The following RPL3 variants were observed in gnomAD, a reference collection of about 807,000 sequenced individuals.
RPL3 encodes the protein ribosomal protein L3, also known as large ribosomal subunit protein uL3.
A neutral mutation model predicts 46.0 loss-of-function variants in RPL3; 3 were observed. That is an observed-to-expected ratio of 0.07 (90% CI 0.03 to 0.17). RPL3 has a LOEUF of 0.17. Ranked by LOEUF, RPL3 falls within the 10% of genes least tolerant of loss-of-function variation. The pLI is 1.00. For missense variants in RPL3, 387 were observed against 532.7 expected, an observed-to-expected ratio of 0.73 and a Z score of 2.69; for synonymous variants, 224 against 190.8, an observed-to-expected ratio of 1.17 and a Z score of -1.43.
intron 6 of RPL3, 28 bp from the exon 7 acceptor site, chr22:39,314,236 G>A: frequency 6.3e-7 from 1 of 1,590,610 alleles, no homozygotes; most frequent in Non-Finnish European, 8.6e-7. Flanking sequence ...GTGTAAGGCT[G>A]GGGCATTAGG....
chr22:39,316,772 C>T lies in RPL3; in HGVS notation c.435G>A (p.Gln145=). 1 of 1,613,906 alleles carries T rather than the reference C, an allele frequency of 6.2e-7. No homozygotes were observed. The highest frequency in any genetic ancestry group is 8.5e-7 in the Non-Finnish European group (1 of 1,179,930). The change falls in exon 4 of 10, where the codon CAG becomes CAA. Residue 145 remains glutamine, a synonymous_variant. Transcript: ENST00000216146. The part of the protein sequence containing the change: ...KKWQDEDGKK[Q]LEKDFSSMKK... The stretch of plus-strand genomic sequence containing the variant: ...TCATGCTGCTGAAGTCCTTCTCCAG[C>T]TGCTTCTTGCCATCCTCATCCTGCC...
intron 4 of RPL3, among the ~76,000 whole-genome samples, chr22:39,316,356 G>A (rs1217428263): frequency 5.3e-5 from 8 of 152,160 alleles, no homozygotes; most frequent in Admixed American, 3.9e-4. Context: ...CTCACCACAT[G>A]GGGTTGCACT....
At position 39,317,357 on chromosome 22, in the gene RPL3, G is replaced by T. The variant is rs1031416496; in HGVS notation, c.365+104C>A. ...CGAGAGGCAAACTAAACCCAAGACA[G>T]CAGCTCCCTGCCTGCTACAGAGCTG... On this transcript the variant is annotated intron_variant, in intron 3 of 9. Transcript: ENST00000216146. The T allele has an allele frequency of 9.7e-6, 13 of 1,338,234 alleles. No homozygotes were observed. The African/African-American group carries it at 1.8e-4, about 18-fold the overall frequency. The allele number at this position is 1,338,234 out of a possible 1,614,324, so 82.9% of individuals were successfully genotyped here.
At chr22:39,313,970 A>G (rs1472894997) in intron 7 of RPL3, 137 bp downstream of exon 7, 1 of 860,696 alleles carries the variant, frequency 1.2e-6, no homozygotes, top group Non-Finnish European at 2.0e-6. Context: ...AGATGACAAC[A>G]TGCCACTTAC....
intron 3 of RPL3, 153 bp downstream of exon 3, chr22:39,317,308 T>C: frequency 1.2e-6 from 1 of 867,060 alleles, no homozygotes; most frequent in South Asian, 1.8e-5. Flanking sequence ...GCTGGCCAAG[T>C]CTGATCCCAG....
intron 2 of RPL3, chr22:39,317,984 T>C: frequency 2.9e-6 from 1 of 346,570 alleles, no homozygotes; most frequent in Non-Finnish European, 5.4e-6. Flanking sequence ...AATGTCTCCA[T>C]GGCTCAGCAA....
In RPL3 at chr22:39,314,862, A is replaced by G. The variant is rs116553960; in HGVS notation, c.689-16T>C. The G allele has an allele frequency of 1.0e-3, 1,682 of 1,607,896 alleles. 19 individuals carry two copies. The African/African-American group carries it at 0.02, about 19-fold the overall frequency. On this transcript the variant is annotated splice_polypyrimidine_tract_variant and intron_variant, in intron 5 of 9. Transcript: ENST00000216146. ...CTGGTGACCCCTGGAATGGATACAC[A>G]TTACTTCACCTCAGCGCCCAGCACC...
At chr22:39,319,029 G>A (rs1188714292) in intron 1 of RPL3, 2 of 538,032 alleles carry the variant, frequency 3.7e-6, no homozygotes, top group Non-Finnish European at 7.6e-6. Context: ...GATACACACA[G>A]GCCAAAGAAC....
Position 39,313,603 on chromosome 22 carries a change from C to T in RPL3, c.1047+31G>A, listed in dbSNP as rs752032323. ...GCCTTGGATCCTCCCTCTACAAGAG[C>T]CCCCCCATGACAAGTCAGGACCTGC... On this transcript the variant is annotated intron_variant, in intron 8 of 9. Transcript: ENST00000216146. The T allele has an allele frequency of 6.3e-6, 10 of 1,593,738 alleles. No homozygotes were observed. In the East Asian group the frequency reaches 2.2e-4, roughly 36 times the overall value.
In RPL3 at chr22:39,313,639, G is replaced by T. The variant is rs375229574; in HGVS notation, c.1042C>A (p.Arg348Ser). The change falls in exon 8 of 10, where the codon CGC becomes AGC. Residue 348 changes from arginine to serine, a missense_variant. By Grantham distance (110) the Arg-to-Ser change is moderately radical. Coordinates refer to ENST00000216146, the MANE Select transcript of RPL3 (RefSeq NM_000967.4). ...VGTKKRVLTL[R>S]KSLLVQTKRR... The stretch of plus-strand genomic sequence containing the variant: ...CAAGTCAGGACCTGCCTCACCTTGC[G>T]GAGGGTGAGCACCCGCTTCTTGGTT... 3 of 1,613,708 alleles carry T rather than the reference G, an allele frequency of 1.9e-6. No homozygotes were observed. The highest frequency in any genetic ancestry group is 2.5e-6 in the Non-Finnish European group (3 of 1,179,952).
At chr22:39,313,369 T>C (rs1179722295) in intron 8 of RPL3, 59 bp from the exon 9 acceptor site, 1 of 1,600,898 alleles carries the variant, frequency 6.2e-7, no homozygotes, top group Non-Finnish European at 8.5e-7. Flanking sequence ...TCCTCAGCAC[T>C]GTTCACAGCG....
intron 5 of RPL3, 176 bp from the exon 6 acceptor site, chr22:39,315,022 T>C (rs143136247): frequency 5.7e-6 from 5 of 877,572 alleles, no homozygotes; most frequent in African/African-American, 1.7e-5. Flanking sequence ...GGTGTCACCC[T>C]GAACTCAATT....
intron 6 of RPL3, 169 bp from the exon 7 acceptor site, chr22:39,314,377 G>T: frequency 1.5e-6 from 1 of 663,202 alleles, no homozygotes. Flanking sequence ...GTTCCTTTCT[G>T]TAAGGCGGCT....
intron 3 of RPL3, 73 bp downstream of exon 3, chr22:39,317,388 C>T: frequency 6.6e-7 from 1 of 1,524,884 alleles, no homozygotes; most frequent in Non-Finnish European, 8.9e-7. Context: ...AGCTGAGAAA[C>T]CATGCACACG....
chr22:39,317,035 C>T (rs1420776948), intron 3 of RPL3, 194 bp from the exon 4 acceptor site: 1 of 779,022 alleles, frequency 1.3e-6, no homozygotes, highest in Non-Finnish European at 2.1e-6. Context: ...AGCAGAGGTC[C>T]ACAAGGTTAA....
chr22:39,316,269 A>C (rs1174010534), intron 4 of RPL3, among the ~76,000 whole-genome samples: 1 of 152,062 alleles, frequency 6.6e-6, no homozygotes, highest in East Asian at 1.9e-4. Context: ...TTAAGCATAA[A>C]GCTTTCACTC....
chr22:39,314,620 C>T (rs1889606773), intron 6 of RPL3, 66 bp downstream of exon 6: 2 of 1,530,670 alleles, frequency 1.3e-6, no homozygotes, highest in African/African-American at 2.7e-5. Flanking sequence ...CTGACAGGCA[C>T]AGAAACCCCA....
chr22:39,313,867 G>C (rs757201408), intron 7 of RPL3, 138 bp from the exon 8 acceptor site: 5 of 927,412 alleles, frequency 5.4e-6, no homozygotes, highest in African/African-American at 4.8e-5. Context: ...AGTCTGTCTC[G>C]GGCGCTGTGC....
At chr22:39,314,871 C>G (rs752087235) in intron 5 of RPL3, 25 bp from the exon 6 acceptor site, 3 of 1,603,568 alleles carry the variant, frequency 1.9e-6, no homozygotes, top group South Asian at 1.1e-5. Flanking sequence ...CATTACTTCA[C>G]CTCAGCGCCC....
Sources: allele counts gnomAD v4.1 joint callset (sites outside exome capture counted in the v4.1 genomes callset), GRCh38; gene constraint gnomAD v4.1.1; transcripts MANE v1.5; gene names NCBI Gene and HGNC (gene_info 2026-07-23, HGNC 2026-07-21).